The following SLC66A3 variants were observed in gnomAD, a reference collection of about 807,000 sequenced individuals.
The protein encoded by SLC66A3 is solute carrier family 66 member 3.
Under a neutral mutation model 25.5 loss-of-function variants are expected in SLC66A3, and 23 were observed. The ratio of observed to expected loss-of-function variants is 0.90; its 90% confidence interval spans 0.65 to 1.28. SLC66A3 has a LOEUF of 1.28. SLC66A3 is among the 50% of genes most tolerant of loss of function. The probability of loss-of-function intolerance (pLI) is 0.00; values close to 1 mark genes in which losing one functional copy is unlikely to be tolerated. For synonymous variants in SLC66A3, 108 were observed against 112.6 expected (o/e 0.96, Z 0.26); for missense variants, 246 against 262.1 (o/e 0.94, Z 0.42).
At chr2:11,175,515 A>C (rs1662708383) in intron 6 of SLC66A3, among the ~76,000 whole-genome samples, 1 of 152,236 alleles carries the variant, frequency 6.6e-6, no homozygotes, top group African/African-American at 2.4e-5. Flanking sequence ...TAGAGTGCGG[A>C]GAGCAGGGGG....
rs776194739 is a variant in SLC66A3 at position 11,164,243 on chromosome 2, G to A, written c.336G>A (p.Trp112Ter). ...GGTTCATCCTTGCCCTGCAGAAGTGGATCATAGACCTGGCCATGGTAAGTA... is the reference window on the plus strand; with the variant it reads ...GGTTCATCCTTGCCCTGCAGAAGTGAATCATAGACCTGGCCATGGTAAGTA... ...SSWFILALQK[W>*]IIDLAMNLCT... The change falls in exon 4 of 7, where the codon TGG becomes TGA. Residue 112 changes from tryptophan to a stop codon, truncating the protein, a stop_gained. Transcript: ENST00000295083. LOFTEE classifies it high-confidence loss of function. 1.0e-4 allele frequency: 162 copies of A among 1,570,912 alleles called. No homozygotes were observed. The highest frequency in any genetic ancestry group is 1.3e-4 in the Non-Finnish European group (149 of 1,161,488).
At chr2:11,163,333 G>A (rs771451517) in intron 3 of SLC66A3, among the ~76,000 whole-genome samples, 7 of 152,098 alleles carry the variant, frequency 4.6e-5, no homozygotes, top group Non-Finnish European at 5.9e-5. Context: ...GTGGGGGGAG[G>A]AGTCACAAAA....
intron 1 of SLC66A3, among the ~76,000 whole-genome samples, chr2:11,156,459 G>A (rs767362938): frequency 1.2e-4 from 18 of 152,278 alleles, no homozygotes; most frequent in Middle Eastern, 3.4e-3. Context: ...GCCAGGCCAG[G>A]CCTTCCCCTT....
At chr2:11,159,197 C>A (rs1160389016) in intron 1 of SLC66A3, among the ~76,000 whole-genome samples, 2 of 152,332 alleles carry the variant, frequency 1.3e-5, no homozygotes, top group East Asian at 3.9e-4. Flanking sequence ...TTCTTCAGCA[C>A]TCAGTGGCTG....
chr2:11,174,941 C>T (rs548990134), intron 5 of SLC66A3, 27 bp from the exon 6 acceptor site: 1 of 1,599,264 alleles, frequency 6.3e-7, no homozygotes, highest in South Asian at 1.1e-5. Flanking sequence ...AGGCAAGTTA[C>T]TTATTGCTGC....
chr2:11,159,809 G>A (rs1223559436), intron 1 of SLC66A3, among the ~76,000 whole-genome samples: 2 of 152,194 alleles, frequency 1.3e-5, no homozygotes, highest in Non-Finnish European at 2.9e-5. Context: ...GAGGCAGGAA[G>A]CTCTGCCTTT....
At chr2:11,161,994 G>C (rs1167295137) in intron 3 of SLC66A3, among the ~76,000 whole-genome samples, 2 of 152,226 alleles carry the variant, frequency 1.3e-5, no homozygotes, top group African/African-American at 4.8e-5. Flanking sequence ...CAGTTGGCCT[G>C]GAGCCAGACA....
intron 4 of SLC66A3, among the ~76,000 whole-genome samples, chr2:11,164,519 T>TA (rs397693245): frequency 6.7e-6 from 1 of 150,290 alleles, no homozygotes; most frequent in African/African-American, 2.5e-5. Flanking sequence ...TTTTTTTTTT[T>TA]AATTGATTCA....
intron 6 of SLC66A3, 75 bp downstream of exon 6, chr2:11,175,084 G>A (rs1662691002): frequency 9.0e-7 from 1 of 1,105,374 alleles, no homozygotes; most frequent in Non-Finnish European, 1.3e-6. Flanking sequence ...AACTGTCTTA[G>A]GGTTTAATGG....
At chr2:11,159,559 G>A (rs1371941908) in intron 1 of SLC66A3, among the ~76,000 whole-genome samples, 2 of 152,226 alleles carry the variant, frequency 1.3e-5, no homozygotes, top group African/African-American at 4.8e-5. Flanking sequence ...GGGAGGCACA[G>A]CCTGTTTGTG....
intron 3 of SLC66A3, 140 bp downstream of exon 3, chr2:11,160,834 A>C (rs1662099694): frequency 2.2e-6 from 3 of 1,351,716 alleles, no homozygotes; most frequent in Non-Finnish European, 3.0e-6. Flanking sequence ...CCAAATGCAA[A>C]CGTGTCCATG....
chr2:11,170,251 C>T (rs376141541), intron 4 of SLC66A3, among the ~76,000 whole-genome samples: 5 of 152,220 alleles, frequency 3.3e-5, no homozygotes, highest in African/African-American at 4.8e-5. Context: ...CTACTGCCCT[C>T]GTACAAACCC....
rs765768089 is a variant in SLC66A3, at chr2:11,155,690, G to T, written c.143+1G>T. 1.3e-5 allele frequency: 18 copies of T among 1,428,058 alleles called. No individual in the cohort carries two copies. Among genetic ancestry groups the T allele is most frequent in the Non-Finnish European group, 1.6e-5 (17 of 1,094,846 alleles). The allele number at this position is 1,428,058 out of a possible 1,614,324, so 88.5% of individuals were successfully genotyped here. On this transcript the variant is annotated splice_donor_variant, in intron 1 of 6. Transcript: ENST00000295083. LOFTEE classifies it high-confidence loss of function. The stretch of plus-strand genomic sequence containing the variant: ...CGAGTTTACTTCTGGAGCTGGCAGG[G>T]TAAGGCCCGGGGCGGCCGGGGCTGC...
At position 11,155,489 on chromosome 2, in the gene SLC66A3, C is replaced by G. The variant is rs1661852005; in HGVS notation, c.-58C>G. The G allele has an allele frequency of 7.0e-7, 1 of 1,427,956 alleles. No homozygotes were observed. The highest frequency in any genetic ancestry group is 1.5e-5 in the African/African-American group (1 of 66,702). The allele number at this position is 1,427,956 out of a possible 1,614,324, so 88.5% of individuals were successfully genotyped here. A position where few individuals can be genotyped will look rare whatever the true frequency, so the allele number is the denominator to read the frequency against. ...GGAAGGCTTCGGCAGAGCTGCGCCG[C>G]CGAGGCTGAGCGGTCCCTTCTCGCT... On this transcript the variant is annotated 5_prime_UTR_variant, in exon 1 of 7. Transcript: ENST00000295083.
At chr2:11,166,454 C>T (rs1462540577) in intron 4 of SLC66A3, among the ~76,000 whole-genome samples, 1 of 152,192 alleles carries the variant, frequency 6.6e-6, no homozygotes, top group Admixed American at 6.5e-5. Flanking sequence ...AATTTCTTTC[C>T]CCTTTCCCCC....
chr2:11,160,841 C>A, intron 3 of SLC66A3, 147 bp downstream of exon 3: 1 of 1,308,638 alleles, frequency 7.6e-7, no homozygotes, highest in Non-Finnish European at 1.0e-6. Flanking sequence ...CAAACGTGTC[C>A]ATGTACACCA....
chr2:11,158,659 C>T (rs1303362971), intron 1 of SLC66A3, among the ~76,000 whole-genome samples: 1 of 151,932 alleles, frequency 6.6e-6, no homozygotes, highest in Non-Finnish European at 1.5e-5. Context: ...AAGACTCCGC[C>T]TCAAAAAAAA....
intron 4 of SLC66A3, among the ~76,000 whole-genome samples, chr2:11,171,332 C>A (rs932688015): frequency 5.3e-5 from 8 of 151,948 alleles, no homozygotes; most frequent in East Asian, 1.9e-4. Flanking sequence ...AACTAACTAA[C>A]TAAATAAATG....
At position 11,155,538 on chromosome 2, in the gene SLC66A3, C is replaced by T. The variant is rs1205431743; in HGVS notation, c.-9C>T. ...CTGCGGCCGCCCAGGTGCCCGCGCCCGTGGCGCTATGGAGGCGGCGCTGCT... is the reference window on the plus strand; with the variant it reads ...CTGCGGCCGCCCAGGTGCCCGCGCCTGTGGCGCTATGGAGGCGGCGCTGCT... On this transcript the variant is annotated 5_prime_UTR_variant, in exon 1 of 7. Coordinates refer to ENST00000295083, the MANE Select transcript of SLC66A3 (RefSeq NM_152391.5). 1.5e-5 allele frequency: 22 copies of T among 1,490,970 alleles called. No individual in the cohort carries two copies. Among genetic ancestry groups the T allele is most frequent in the Non-Finnish European group, 1.9e-5 (21 of 1,128,966 alleles). 92.4% of individuals were successfully genotyped at this position (1,490,970 alleles called of 1,614,324 possible).
Sources: allele counts gnomAD v4.1 joint callset (sites outside exome capture counted in the v4.1 genomes callset), GRCh38; gene constraint gnomAD v4.1.1; transcripts MANE v1.5; gene names NCBI Gene and HGNC (gene_info 2026-07-23, HGNC 2026-07-21).